The following PCDHGB2 variants were observed in gnomAD, a reference collection of about 807,000 sequenced individuals.
PCDHGB2 encodes the protein protocadherin gamma subfamily B, 2, also known as protocadherin gamma-B2.
In PCDHGB2, 55 loss-of-function variants were observed where a neutral mutation model predicts 59.3. That is an observed-to-expected ratio of 0.93 (90% CI 0.75 to 1.16). The LOEUF (loss-of-function observed/expected upper bound fraction) is 1.16, where lower values mean the gene tolerates loss of function less well. PCDHGB2 is among the 50% of genes most tolerant of loss of function. The probability of loss-of-function intolerance (pLI) is 0.00; values close to 1 mark genes in which losing one functional copy is unlikely to be tolerated. For synonymous variants in PCDHGB2, 516 were observed against 512.0 expected, an observed-to-expected ratio of 1.01 and a Z score of -0.11; for missense variants, 1,228 against 1,198.5, an observed-to-expected ratio of 1.02 and a Z score of -0.36.
At chr5:141,366,324 C>G in intron 1 of PCDHGB2, 1 of 1,613,838 alleles carries the variant, frequency 6.2e-7, no homozygotes, top group Non-Finnish European at 8.5e-7. Context: ...GTTGCCGTGG[C>G]CGACAGGATC....
At chr5:141,438,018 G>A (rs959672278) in intron 1 of PCDHGB2, among the ~76,000 whole-genome samples, 1 of 152,082 alleles carries the variant, frequency 6.6e-6, no homozygotes, top group African/African-American at 2.4e-5. Context: ...TGAGATTACA[G>A]GTGTGAGCCA....
chr5:141,389,430 C>T (rs2091763189), intron 1 of PCDHGB2: 1 of 1,610,546 alleles, frequency 6.2e-7, no homozygotes, highest in Non-Finnish European at 8.5e-7. Context: ...GTTCGCGCAG[C>T]GCGCCTTCGA....
chr5:141,393,979 AT>A (rs2092890598), intron 1 of PCDHGB2: 1 of 1,613,732 alleles, frequency 6.2e-7, no homozygotes, highest in South Asian at 1.1e-5. Context: ...ACACGTGATA[AT>A]TTACCTTTTA....
At position 141,415,363 on chromosome 5, in the gene PCDHGB2, C is replaced by T. The variant is rs62378454; in HGVS notation, c.2421+52807C>T. 7,186 of 1,614,240 alleles carry T rather than the reference C, an allele frequency of 4.5e-3. 30 individuals carry two copies. Among genetic ancestry groups the T allele is most frequent in the South Asian group, 5.6e-3 (509 of 91,092 alleles). Reference sequence around the variant, plus strand: ...GCGCTGGCACAAGTCACGCCTGCTGCAGGCTTCAGGAGGCGGCTTGACAGG... The same window carrying T: ...GCGCTGGCACAAGTCACGCCTGCTGTAGGCTTCAGGAGGCGGCTTGACAGG... On this transcript the variant is annotated intron_variant, in intron 1 of 3. Transcript: ENST00000522605.
intron 1 of PCDHGB2, among the ~76,000 whole-genome samples, chr5:141,470,504 G>A (rs914828244): frequency 6.6e-6 from 1 of 152,114 alleles, no homozygotes; most frequent in Admixed American, 6.6e-5. Flanking sequence ...TAGGTAATTA[G>A]ACAGTTAGCT....
intron 1 of PCDHGB2, chr5:141,415,748 T>TTG (rs2095929710): frequency 9.9e-7 from 1 of 1,008,886 alleles, no homozygotes; most frequent in South Asian, 2.7e-5. Context: ...AGGTTTTTTT[T>TTG]TTTTTTTTTT....
intron 1 of PCDHGB2, among the ~76,000 whole-genome samples, chr5:141,424,923 T>C (rs1428936860): frequency 6.6e-6 from 1 of 152,186 alleles, no homozygotes; most frequent in African/African-American, 2.4e-5. Flanking sequence ...CCATAATCAA[T>C]TCAGTCAACA....
intron 1 of PCDHGB2, among the ~76,000 whole-genome samples, chr5:141,466,514 T>C (rs1276000407): frequency 6.6e-6 from 1 of 152,226 alleles, no homozygotes; most frequent in Non-Finnish European, 1.5e-5. Context: ...AAGATCATTT[T>C]TTTTCCTCCC....
At chr5:141,409,071 A>G in intron 1 of PCDHGB2, 4 of 1,613,996 alleles carry the variant, frequency 2.5e-6, no homozygotes, top group Non-Finnish European at 3.4e-6. Context: ...AGCACAAAAC[A>G]TATGTTCTCA....
chr5:141,456,576 A>C (rs1383992335), intron 1 of PCDHGB2, among the ~76,000 whole-genome samples: 2 of 152,188 alleles, frequency 1.3e-5, no homozygotes, highest in African/African-American at 4.8e-5. Context: ...ATTTTCCCTG[A>C]GCCTGTCAAT....
intron 1 of PCDHGB2, chr5:141,414,478 C>T (rs977591382): frequency 5.6e-6 from 9 of 1,613,884 alleles, no homozygotes; most frequent in Non-Finnish European, 3.4e-6. Flanking sequence ...GGGAAGTCCT[C>T]CTCTATCAAC....
At chr5:141,393,326 G>C (rs2092729554) in intron 1 of PCDHGB2, 2 of 1,611,218 alleles carry the variant, frequency 1.2e-6, no homozygotes, top group Non-Finnish European at 1.7e-6. Context: ...AGAGCTACCA[G>C]CTCAGCCCCA....
Position 141,376,227 on chromosome 5 carries a change from G to T in PCDHGB2, c.2421+13671G>T, listed in dbSNP as rs1210093854. On this transcript the variant is annotated intron_variant, in intron 1 of 3. Coordinates refer to ENST00000522605, the MANE Select transcript of PCDHGB2 (RefSeq NM_018923.3). ...TTCGTCATCGTGCTGCTGGCGCTCA[G>T]ACTGCAGCGCTGGCACAAGTCACGC... The T allele has an allele frequency of 4.3e-6, 7 of 1,614,216 alleles. No homozygotes were observed. The South Asian group carries it at 7.7e-5, about 18-fold the overall frequency.
chr5:141,501,425 G>A (rs1444899306), intron 2 of PCDHGB2, among the ~76,000 whole-genome samples: 1 of 151,726 alleles, frequency 6.6e-6, no homozygotes, highest in Non-Finnish European at 1.5e-5. Flanking sequence ...TTGACTAAAT[G>A]TAGTCCATTT....
At chr5:141,444,255 T>G (rs764607115) in intron 1 of PCDHGB2, among the ~76,000 whole-genome samples, 8 of 130,834 alleles carry the variant, frequency 6.1e-5, no homozygotes, top group Non-Finnish European at 1.2e-4. Context: ...CACTGCAACC[T>G]CCGCCTCCCA....
chr5:141,383,036 G>T, intron 1 of PCDHGB2: 1 of 1,613,876 alleles, frequency 6.2e-7, no homozygotes, highest in Non-Finnish European at 8.5e-7. Flanking sequence ...TCCTTTGTGG[G>T]AGACATCGCC....
At position 141,490,276 on chromosome 5, in the gene PCDHGB2, A is replaced by T; in HGVS notation, c.2422-4531A>T. 1 of 1,614,236 alleles carries T rather than the reference A, an allele frequency of 6.2e-7. No individual in the cohort carries two copies. Among genetic ancestry groups the T allele is most frequent in the Non-Finnish European group, 8.5e-7 (1 of 1,180,036 alleles). On this transcript the variant is annotated intron_variant, in intron 1 of 3. Transcript: ENST00000522605. This position sits in a 1 kb window ranked among gnomAD's most constrained non-coding sequence, Gnocchi z 5.4. ...AGTGGATGTGGGGGATGTCAATGACAATGCCCCAGAGGTGCTATTGGCCTC... is the reference window on the plus strand; with the variant it reads ...AGTGGATGTGGGGGATGTCAATGACTATGCCCCAGAGGTGCTATTGGCCTC...
intron 1 of PCDHGB2, among the ~76,000 whole-genome samples, chr5:141,463,542 G>A (rs1376087953): frequency 7.1e-6 from 1 of 141,810 alleles, no homozygotes; most frequent in African/African-American, 2.6e-5. Context: ...TCCGGCTCCC[G>A]GGTTCATGCC....
At position 141,432,289 on chromosome 5, in the gene PCDHGB2, C is replaced by A. The variant is rs762278053; in HGVS notation, c.2422-62518C>A. 2 of 1,614,148 alleles carry A rather than the reference C, an allele frequency of 1.2e-6. No individual in the cohort carries two copies. Among genetic ancestry groups the A allele is most frequent in the African/African-American group, 2.7e-5 (2 of 74,952 alleles). On this transcript the variant is annotated intron_variant, in intron 1 of 3. Coordinates refer to ENST00000522605, the MANE Select transcript of PCDHGB2 (RefSeq NM_018923.3). The surrounding 1 kb of genome is among the most constrained non-coding windows in gnomAD (Gnocchi z 6.0). ...CGTCCTACGTGTCCATCAACTCCGA[C>A]ACTGGGGTACTGTATGCGCTGAGCT...
Sources: allele counts gnomAD v4.1 joint callset (sites outside exome capture counted in the v4.1 genomes callset), GRCh38; gene constraint gnomAD v4.1.1; non-coding constraint Gnocchi (gnomAD v3.1); transcripts MANE v1.5; gene names NCBI Gene and HGNC (gene_info 2026-07-23, HGNC 2026-07-21).